The following TMEM132D variants were observed in gnomAD, a reference collection of about 807,000 sequenced individuals.
TMEM132D encodes the protein mature OL transmembrane protein.
In TMEM132D, 21 loss-of-function variants were observed where a neutral mutation model predicts 62.3. The ratio of observed to expected loss-of-function variants is 0.34; its 90% CI spans 0.24 to 0.49. The LOEUF (loss-of-function observed/expected upper bound fraction) is 0.49, where lower values mean the gene tolerates loss of function less well. Ranked by LOEUF, TMEM132D falls within the 20% of genes least tolerant of loss-of-function variation. The pLI is 0.99. For missense variants in TMEM132D, 1,346 were observed against 1,402.8 expected (o/e 0.96, Z 0.65); for synonymous variants, 621 against 575.6 (o/e 1.08, Z -1.13).
intron 3 of TMEM132D, among the ~76,000 whole-genome samples, chr12:129,418,004 C>T (rs1872181560): frequency 6.6e-6 from 1 of 152,204 alleles, no homozygotes; most frequent in Admixed American, 6.5e-5. Context: ...AATGAGCTAC[C>T]ATCTCATGCC....
At chr12:129,801,334 G>C (rs973739238) in intron 1 of TMEM132D, among the ~76,000 whole-genome samples, 26 of 119,216 alleles carry the variant, frequency 2.2e-4, no homozygotes, top group African/African-American at 7.2e-4. Context: ...CCAGCACGCA[G>C]CTGGAGATCT....
chr12:129,150,934 C>A (rs1419911291), intron 5 of TMEM132D, among the ~76,000 whole-genome samples: 1 of 152,206 alleles, frequency 6.6e-6, no homozygotes, highest in Non-Finnish European at 1.5e-5. Context: ...GGTGTTCTCT[C>A]CCCTGGCTGG....
intron 1 of TMEM132D, among the ~76,000 whole-genome samples, chr12:129,874,691 C>A (rs1402131182): frequency 1.1e-4 from 16 of 142,392 alleles, no homozygotes; most frequent in African/African-American, 3.6e-4. Context: ...AAATGTTTTT[C>A]ACATTTTTCT....
intron 2 of TMEM132D, among the ~76,000 whole-genome samples, chr12:129,672,841 G>A (rs564466221): frequency 3.3e-5 from 5 of 152,202 alleles, no homozygotes; most frequent in East Asian, 1.9e-4. Context: ...TCTGCCTCCC[G>A]GGTTCAAGCG....
chr12:129,895,197 TTG>T (rs1322441714), intron 1 of TMEM132D, among the ~76,000 whole-genome samples: 1 of 152,010 alleles, frequency 6.6e-6, no homozygotes, highest in Non-Finnish European at 1.5e-5. Context: ...CACGTCACCG[TTG>T]TGTGGACAAC....
chr12:129,422,938 C>G (rs1872373825), intron 3 of TMEM132D, among the ~76,000 whole-genome samples: 1 of 130,482 alleles, frequency 7.7e-6, no homozygotes, highest in East Asian at 2.5e-4. Context: ...CAGAATAAAA[C>G]CAAGGAAAAC....
intron 1 of TMEM132D, among the ~76,000 whole-genome samples, chr12:129,789,039 G>A (rs1422323200): frequency 2.0e-5 from 3 of 152,126 alleles, no homozygotes; most frequent in Admixed American, 1.3e-4. Context: ...TGCAAATCAC[G>A]GATGGTTTTA....
chr12:129,822,620 G>A (rs1872566726), intron 1 of TMEM132D, among the ~76,000 whole-genome samples: 1 of 152,172 alleles, frequency 6.6e-6, no homozygotes, highest in Admixed American at 6.5e-5. Flanking sequence ...AACTTATAAT[G>A]AGGTTTAATT....
chr12:129,295,290 AGAACACTGCCGGCTACACACTATG>A (rs1881545046), intron 4 of TMEM132D, among the ~76,000 whole-genome samples: 1 of 151,858 alleles, frequency 6.6e-6, no homozygotes, highest in Admixed American at 6.6e-5. Context: ...TACACACTAC[AGAACACTGCCGGCTACACACTATG>A]GAACACTGTT....
intron 1 of TMEM132D, chr12:129,854,690 G>C (rs1312655155): frequency 6.6e-6 from 1 of 152,248 alleles, no homozygotes; most frequent in Non-Finnish European, 1.5e-5. Flanking sequence ...CTGGATCGTT[G>C]ATACTCATCA....
intron 4 of TMEM132D, among the ~76,000 whole-genome samples, chr12:129,313,679 A>T (rs1882037950): frequency 6.6e-6 from 1 of 152,124 alleles, no homozygotes; most frequent in South Asian, 2.1e-4. Flanking sequence ...ATGCATATGC[A>T]AGCATCTTTT....
chr12:129,149,482 C>T (rs576874103), intron 5 of TMEM132D, among the ~76,000 whole-genome samples: 26 of 152,300 alleles, frequency 1.7e-4, no homozygotes, highest in African/African-American at 5.3e-4. Flanking sequence ...TTTATGACTG[C>T]TTGGGACTGA....
rs1223771127 is a variant in TMEM132D at position 129,088,426 on chromosome 12, TATGACCGGGTGTCCTCC to T, written c.1444-3741_1444-3725del. 1.1e-3 allele frequency among the ~76,000 whole-genome samples: 30 copies of T among 27,480 alleles called. 7 individuals carry two copies. The highest frequency in any genetic ancestry group is 7.9e-3 in the African/African-American group (26 of 3,290). 18.0% of individuals were successfully genotyped at this position (27,480 alleles called of 152,430 possible). ...TGTCCTCCCTGACTGGGGTGTCCTCTATGACCGGGTGTCCTCCATGACCGGGTGTCCTCCATGACCGG... is the reference window on the plus strand; with the variant it reads ...TGTCCTCCCTGACTGGGGTGTCCTCTATGACCGGGTGTCCTCCATGACCGG... On this transcript the variant is annotated intron_variant, in intron 5 of 8. Coordinates refer to ENST00000422113, the MANE Select transcript of TMEM132D (RefSeq NM_133448.3).
intron 1 of TMEM132D, among the ~76,000 whole-genome samples, chr12:129,862,883 C>G (rs745502343): frequency 6.6e-6 from 1 of 151,538 alleles, no homozygotes; most frequent in Non-Finnish European, 1.5e-5. Flanking sequence ...AAAAAAAAAG[C>G]TATAGCAGCT....
At chr12:129,581,761 C>T (rs549494211) in intron 2 of TMEM132D, among the ~76,000 whole-genome samples, 1 of 152,148 alleles carries the variant, frequency 6.6e-6, no homozygotes, top group African/African-American at 2.4e-5. Flanking sequence ...TGTCAATCTC[C>T]TTTGGTAATG....
At chr12:129,597,982 A>C (rs1261459841) in intron 2 of TMEM132D, among the ~76,000 whole-genome samples, 2 of 152,214 alleles carry the variant, frequency 1.3e-5, no homozygotes, top group Non-Finnish European at 2.9e-5. Flanking sequence ...TTCAATCAAA[A>C]GCAGTGAGTA....
At chr12:129,813,965 C>G (rs988987490) in intron 1 of TMEM132D, among the ~76,000 whole-genome samples, 1 of 152,076 alleles carries the variant, frequency 6.6e-6, no homozygotes, top group African/African-American at 2.4e-5. Flanking sequence ...TACCAATGAA[C>G]AGATTTAACA....
chr12:129,138,322 T>C (rs1399635930), intron 5 of TMEM132D, among the ~76,000 whole-genome samples: 1 of 152,240 alleles, frequency 6.6e-6, no homozygotes, highest in Non-Finnish European at 1.5e-5. Context: ...ACAATGTATG[T>C]ATTGGCTAGA....
chr12:129,272,087 G>T lies in TMEM132D; in HGVS notation c.1300-62424C>A, dbSNP rs181151070. ...ACAGTTTTTCTACAGCAAAGTCGGG[G>T]TGATTGGATGCCAGGTACTAAAACA... On this transcript the variant is annotated intron_variant, in intron 4 of 8. Transcript: ENST00000422113. Among the ~76,000 whole-genome samples, 405 of 151,896 alleles carry T rather than the reference G, an allele frequency of 2.7e-3. 17 individuals carry two copies. Among genetic ancestry groups the T allele is most frequent in the African/African-American group, 9.1e-3 (375 of 41,190 alleles).
Sources: gnomAD v4.1 joint callset for allele counts (sites outside exome capture counted in the v4.1 genomes callset) on GRCh38, gnomAD v4.1.1 for gene constraint, MANE v1.5 for transcripts, NCBI Gene and HGNC (gene_info 2026-07-23, HGNC 2026-07-21) for gene names.